Variants in TMEM181 observed in about 807,000 individuals in gnomAD.
The protein encoded by TMEM181 is transmembrane protein 181.
Under a neutral mutation model 71.9 loss-of-function variants are expected in TMEM181, and 39 were observed. That is an observed-to-expected ratio of 0.54 (90% CI 0.42 to 0.71). TMEM181 has a LOEUF of 0.71. Among genes scored for constraint, TMEM181 ranks in the 30% least tolerant of loss-of-function variants. The pLI is 0.00. For missense variants in TMEM181, 595 were observed against 583.0 expected (o/e 1.02, Z -0.21); for synonymous variants, 245 against 228.8 (o/e 1.07, Z -0.64).
chr6:158,556,748 CTATT>C (rs745949139), upstream of TMEM181, among the ~76,000 whole-genome samples: 5 of 144,848 alleles, frequency 3.5e-5, no homozygotes, highest in Admixed American at 7.1e-5. Flanking sequence ...TTCTCTGGCT[CTATT>C]TGTCAGGATT....
intron 13 of TMEM181, among the ~76,000 whole-genome samples, chr6:158,627,310 A>G (rs1434944024): frequency 6.6e-6 from 1 of 152,212 alleles, no homozygotes; most frequent in South Asian, 2.1e-4. Context: ...CTCTCTTCAC[A>G]TAGGTGTTAG....
At chr6:158,614,689 A>G (rs1018053103) in intron 10 of TMEM181, among the ~76,000 whole-genome samples, 3 of 151,836 alleles carry the variant, frequency 2.0e-5, no homozygotes, top group African/African-American at 7.3e-5. Context: ...CCCTGTGTCC[A>G]AGTGTTCTCA....
intron 6 of TMEM181, among the ~76,000 whole-genome samples, chr6:158,593,323 T>C (rs573261354): frequency 1.3e-5 from 2 of 152,368 alleles, no homozygotes; most frequent in South Asian, 2.1e-4. Context: ...GTTTCTATTA[T>C]AGAAAACTAG....
At chr6:158,617,410 C>G (rs9364983) in intron 10 of TMEM181, among the ~76,000 whole-genome samples, 44,952 of 151,936 alleles carry the variant, frequency 0.3, 7,199 homozygotes, top group East Asian at 0.66. Context: ...TTTTGTTGAT[C>G]TTTTCAAAAA....
chr6:158,560,359 A>T, intron 1 of TMEM181, 127 bp downstream of exon 1: 1 of 975,358 alleles, frequency 1.0e-6, no homozygotes, highest in Non-Finnish European at 1.2e-6. Context: ...GGGGCAGGGA[A>T]AAGGGCGCTG....
In TMEM181 at chr6:158,607,332, T is replaced by G. The variant is rs1407330672; in HGVS notation, c.662T>G (p.Leu221Arg). Residue 221 changes from leucine to arginine, a missense_variant, in exon 8 of 17, where the codon CTA becomes CGA. By Grantham distance (102) the Leu-to-Arg change is moderately radical. Coordinates refer to ENST00000684151, the MANE Select transcript of TMEM181 (RefSeq NM_001376852.1). ...KWMSVLLPLLLLYNDPFFPLS... is the reference protein window; with the variant it reads ...KWMSVLLPLLRLYNDPFFPLS... ...ATGTCTGTTCTCCTGCCTCTGCTGC[T>G]ACTTTACAATGGTGGGTAGTTCCAT... is the stretch of plus-strand genomic sequence containing the variant. 1 of 1,613,956 alleles carries G rather than the reference T, an allele frequency of 6.2e-7. No homozygotes were observed. Among genetic ancestry groups the G allele is most frequent in the Non-Finnish European group, 8.5e-7 (1 of 1,179,912 alleles).
At chr6:158,584,351 A>G (rs1783648112) in intron 4 of TMEM181, among the ~76,000 whole-genome samples, 1 of 152,218 alleles carries the variant, frequency 6.6e-6, no homozygotes, top group South Asian at 2.1e-4. Flanking sequence ...CTGATGCCCT[A>G]AAATAATGGT....
At chr6:158,546,763 G>A (rs1448208369) in intron 1 of TMEM181, among the ~76,000 whole-genome samples, 2 of 151,938 alleles carry the variant, frequency 1.3e-5, no homozygotes, top group African/African-American at 4.8e-5. Flanking sequence ...TTCGAGACCA[G>A]CCTGGCCAAT....
At chr6:158,613,301 G>C (rs1785430879) in intron 10 of TMEM181, among the ~76,000 whole-genome samples, 1 of 152,122 alleles carries the variant, frequency 6.6e-6, no homozygotes, top group South Asian at 2.1e-4. Flanking sequence ...AATCATAATA[G>C]GACTGGTTTG....
intron 15 of TMEM181, among the ~76,000 whole-genome samples, chr6:158,630,586 G>A (rs1248322359): frequency 2.0e-5 from 3 of 152,220 alleles, no homozygotes; most frequent in Middle Eastern, 6.8e-3. Context: ...AGGCTAAGCT[G>A]CAATGTTCGG....
chr6:158,579,349 C>G (rs1783342882), intron 2 of TMEM181, among the ~76,000 whole-genome samples: 1 of 151,714 alleles, frequency 6.6e-6, no homozygotes, highest in Admixed American at 6.6e-5. Flanking sequence ...TGGAATCAAC[C>G]ACAGTATCCA....
At chr6:158,547,103 G>A (rs567827515) in intron 1 of TMEM181, among the ~76,000 whole-genome samples, 3 of 152,176 alleles carry the variant, frequency 2.0e-5, no homozygotes, top group Admixed American at 1.3e-4. Context: ...CCAACATGGC[G>A]ACGCTTCATC....
intron 2 of TMEM181, among the ~76,000 whole-genome samples, chr6:158,574,264 G>T (rs377564732): frequency 2.4e-4 from 37 of 152,340 alleles, no homozygotes; most frequent in African/African-American, 7.7e-4. Flanking sequence ...TGCCTCAAAA[G>T]GTTAGTTTCT....
At chr6:158,626,873 C>T (rs1242015011) in intron 13 of TMEM181, among the ~76,000 whole-genome samples, 9 of 114,318 alleles carry the variant, frequency 7.9e-5, no homozygotes, top group Non-Finnish European at 1.4e-4. Flanking sequence ...CACCCTCACT[C>T]TCACACTCTC....
At chr6:158,577,099 T>C (rs1285454748) in intron 2 of TMEM181, among the ~76,000 whole-genome samples, 1 of 135,632 alleles carries the variant, frequency 7.4e-6, no homozygotes, top group Non-Finnish European at 1.6e-5. Context: ...AGGCAAACAA[T>C]GAAGTATGAC....
At chr6:158,608,229 G>A in intron 8 of TMEM181, 104 bp from the exon 9 acceptor site, 1 of 770,368 alleles carries the variant, frequency 1.3e-6, no homozygotes, top group African/African-American at 2.4e-5. Context: ...GCAGAGGTAT[G>A]GGGTGCTCTC....
chr6:158,545,015 C>T (rs1394684708), intron 1 of TMEM181, among the ~76,000 whole-genome samples: 2 of 152,216 alleles, frequency 1.3e-5, no homozygotes, highest in African/African-American at 2.4e-5. Context: ...CCCGGGGTGA[C>T]GGTTTAGGAA....
intron 10 of TMEM181, chr6:158,610,997 G>T: frequency 6.8e-6 from 3 of 443,182 alleles, no homozygotes; most frequent in South Asian, 3.8e-5. Flanking sequence ...CTGAAGAGGG[G>T]TGCTCCATCA....
In TMEM181 at chr6:158,573,471, G is replaced by T. The variant is rs774449960; in HGVS notation, c.60G>T (p.Val20=). 4.4e-5 allele frequency: 71 copies of T among 1,606,030 alleles called. No homozygotes were observed. Among genetic ancestry groups the T allele is most frequent in the Middle Eastern group, 3.3e-4 (2 of 6,078 alleles). ...TCTCCAAGCGCCACTTTGTCCTCGT[G>T]TTTGTCGTCTTCTTCATCTGCTTTG... ...YTLSKRHFVL[V]FVVFFICFGL... is the part of the protein sequence containing the mutation. The change falls in exon 2 of 17, where the codon GTG becomes GTT. Residue 20 remains valine, a synonymous_variant. Transcript: ENST00000684151.
Sources: allele counts gnomAD v4.1 joint callset (sites outside exome capture counted in the v4.1 genomes callset), GRCh38; gene constraint gnomAD v4.1.1; transcripts MANE v1.5; gene names NCBI Gene and HGNC (gene_info 2026-07-23, HGNC 2026-07-21).